The following KIF17 variants were observed in gnomAD, a reference collection of about 807,000 sequenced individuals.
KIF17 encodes the protein kinesin-like protein KIF17.
A neutral mutation model predicts 96.8 loss-of-function variants in KIF17; 80 were observed. The observed-to-expected ratio is 0.83, with a 90% CI of 0.69 to 1.00. The LOEUF is 1.00. KIF17 is among the 50% of genes least tolerant of loss of function. The pLI is 0.00. For missense variants in KIF17, 1,280 were observed against 1,372.9 expected, an observed-to-expected ratio of 0.93 and a Z score of 1.07; for synonymous variants, 567 against 587.5, an observed-to-expected ratio of 0.97 and a Z score of 0.51.
At position 20,682,843 on chromosome 1, in the gene KIF17, G is replaced by C; in HGVS notation, c.2273C>G (p.Ala758Gly). The C allele has an allele frequency of 6.2e-7, 1 of 1,612,126 alleles. No homozygotes were observed. Among genetic ancestry groups the C allele is most frequent in the Non-Finnish European group, 8.5e-7 (1 of 1,180,018 alleles). The change falls in exon 11 of 15, where the codon GCC becomes GGC. Residue 758 changes from alanine (A) to glycine (G), a missense_variant. Ala to Gly is a moderately conservative substitution (Grantham distance 60). Transcript: ENST00000400463. ...CTTCTCCTTCAGGTCCTTGTTCTTG[G>C]CCTGCTCTCCACCCACAACCTGCTG... The part of the protein sequence containing the change: ...LEQQVVGGEQ[A>G]KNKDLKEKHK...
chr1:20,717,794 G>A lies in KIF17; in HGVS notation c.-88C>T, dbSNP rs1231942330. ...GCCCGGGCCAAGGGGCGGGGCCAGC[G>A]CCGGCCACGGGGGGCGGGGCCTTGA... On this transcript the variant is annotated 5_prime_UTR_variant, in exon 1 of 15. Transcript: ENST00000400463. 6 of 1,347,290 alleles carry A rather than the reference G, an allele frequency of 4.5e-6. No individual in the cohort carries two copies. Among genetic ancestry groups the A allele is most frequent in the Admixed American group, 7.8e-5 (2 of 25,596 alleles). 83.5% of individuals were successfully genotyped at this position (1,347,290 alleles called of 1,614,324 possible).
chr1:20,690,081 G>T, intron 7 of KIF17, 107 bp downstream of exon 7: 1 of 1,238,410 alleles, frequency 8.1e-7, no homozygotes, highest in Non-Finnish European at 1.2e-6. Context: ...GGATAAAACA[G>T]ACCTGATCCT....
chr1:20,682,796 C>A lies in KIF17; in HGVS notation c.2320G>T (p.Ala774Ser), dbSNP rs777878864. The A allele has an allele frequency of 3.1e-6, 5 of 1,612,760 alleles. No individual in the cohort carries two copies. The highest frequency in any genetic ancestry group is 4.2e-6 in the Non-Finnish European group (5 of 1,180,022). ...ACCAGCTGCTTCCTGCGCTCGTCTG[C>A]GTAGCGCTTGCGCCGCTTGTGCTTC... ...KEKHKRRKRY[A>S]DERRKQLVAA... Residue 774 changes from alanine to serine, a missense_variant, in exon 11 of 15, where the codon GCA (alanine) becomes TCA (serine). Ala to Ser is a moderately conservative substitution (Grantham distance 99, BLOSUM62 1). Coordinates refer to ENST00000400463, the MANE Select transcript of KIF17 (RefSeq NM_001122819.3).
At chr1:20,666,099 G>A (rs2053522100) in intron 14 of KIF17, 115 bp downstream of exon 14, 2 of 823,406 alleles carry the variant, frequency 2.4e-6, no homozygotes, top group Non-Finnish European at 4.2e-6. Flanking sequence ...TAAGGAAACT[G>A]AGGCTCCGAG....
In KIF17 at chr1:20,704,548, A is replaced by T. The variant is rs778612010; in HGVS notation, c.1022T>A (p.Ile341Asn). The change falls in exon 5 of 15, where the codon ATC (isoleucine) becomes AAC (asparagine). Residue 341 changes from isoleucine (I) to asparagine (N), a missense_variant. Ile to Asn is a moderately radical substitution (Grantham distance 149, BLOSUM62 -3). Transcript: ENST00000400463. This position sits in a 1 kb window ranked among gnomAD's most constrained non-coding sequence, Gnocchi z 6.8. ...CAGCGCATCCTTGGGGTCCTCATTGATGCGCGGCTTGTTCCTGATGTTCTT... is the reference window on the plus strand; with the variant it reads ...CAGCGCATCCTTGGGGTCCTCATTGTTGCGCGGCTTGTTCCTGATGTTCTT... The part of the protein sequence containing the change: ...RAKNIRNKPR[I>N]NEDPKDALLR... The T allele has an allele frequency of 2.5e-6, 4 of 1,614,038 alleles. No individual in the cohort carries two copies. In the African/African-American group the frequency reaches 5.3e-5, roughly 22 times the overall value.
chr1:20,690,742 A>G (rs2054024821), intron 6 of KIF17, among the ~76,000 whole-genome samples: 1 of 150,890 alleles, frequency 6.6e-6, no homozygotes, highest in Admixed American at 6.6e-5. Context: ...GCTGGAGTGC[A>G]GTGGCGCCAT....
At chr1:20,708,392 C>T (rs907393699) in intron 4 of KIF17, among the ~76,000 whole-genome samples, 23 of 152,358 alleles carry the variant, frequency 1.5e-4, no homozygotes, top group Middle Eastern at 6.8e-3. Context: ...CTCCCGGGCT[C>T]AACCAATCCT....
chr1:20,688,338 C>T (rs1439812709), intron 7 of KIF17, among the ~76,000 whole-genome samples: 3 of 152,108 alleles, frequency 2.0e-5, no homozygotes, highest in Non-Finnish European at 2.9e-5. Flanking sequence ...CATGAGCCAC[C>T]GCGCCTGGCC....
In KIF17 at chr1:20,672,290, C is replaced by T. The variant is rs2053661900; in HGVS notation, c.2464-94G>A. 1 of 1,511,688 alleles carries T rather than the reference C, an allele frequency of 6.6e-7. No individual in the cohort carries two copies. The highest frequency in any genetic ancestry group is 9.0e-7 in the Non-Finnish European group (1 of 1,112,884). 93.6% of individuals were successfully genotyped at this position (1,511,688 alleles called of 1,614,324 possible). ...ACTCACTGTCCTGCCAGCAGCCACG[C>T]ATCGTCTGTTCATTGGCCTGATCAG... is the stretch of plus-strand genomic sequence containing the variant. On this transcript the variant is annotated intron_variant, in intron 11 of 14. Transcript: ENST00000400463. The surrounding 1 kb of genome is among the most constrained non-coding windows in gnomAD (Gnocchi z 4.3).
At chr1:20,669,988 A>G (rs2053611568) in intron 13 of KIF17, among the ~76,000 whole-genome samples, 2 of 88,202 alleles carry the variant, frequency 2.3e-5, no homozygotes, top group Non-Finnish European at 5.3e-5. Flanking sequence ...CTGAGCTTAG[A>G]AAAAGAAAAA....
At chr1:20,666,563 C>T (rs577307339) in intron 13 of KIF17, among the ~76,000 whole-genome samples, 1 of 152,328 alleles carries the variant, frequency 6.6e-6, no homozygotes, top group East Asian at 1.9e-4. Flanking sequence ...GCCAAGCCTG[C>T]ACCCGGCCTC....
intron 5 of KIF17, 133 bp from the exon 6 acceptor site, chr1:20,698,621 TCTC>T: frequency 1.6e-6 from 1 of 637,892 alleles, no homozygotes; most frequent in Non-Finnish European, 2.8e-6. Flanking sequence ...TTCAAACACA[TCTC>T]CATGTAAAAG....
chr1:20,680,453 T>G (rs1248890660), intron 11 of KIF17, among the ~76,000 whole-genome samples: 1 of 152,204 alleles, frequency 6.6e-6, no homozygotes, highest in East Asian at 1.9e-4. Flanking sequence ...GGCTCACACC[T>G]GTAATCCCAG....
intron 10 of KIF17, among the ~76,000 whole-genome samples, chr1:20,684,606 C>T (rs2053899743): frequency 6.6e-6 from 1 of 152,184 alleles, no homozygotes; most frequent in Admixed American, 6.5e-5. Flanking sequence ...GCAGGCCTGA[C>T]AAGGGATGCT....
rs1458639644 is a variant in KIF17, at chr1:20,664,377, G to A, written c.*207C>T. The A allele has an allele frequency of 1.4e-6, 2 of 1,463,164 alleles. No individual in the cohort carries two copies. The highest frequency in any genetic ancestry group is 1.8e-6 in the Non-Finnish European group (2 of 1,112,836). 90.6% of individuals were successfully genotyped at this position (1,463,164 alleles called of 1,614,324 possible). On this transcript the variant is annotated 3_prime_UTR_variant, in exon 15 of 15. Coordinates refer to ENST00000400463, the MANE Select transcript of KIF17 (RefSeq NM_001122819.3). ...AGCTGGAGCAGGCCTCTCTAAGGAG[G>A]ACTATACAGCCTCCGAGGGGCTCCT...
chr1:20,667,175 C>T (rs2053544508), intron 13 of KIF17, among the ~76,000 whole-genome samples: 1 of 152,166 alleles, frequency 6.6e-6, no homozygotes. Context: ...GAAGCTTCAT[C>T]TGTATTTGCA....
At chr1:20,714,563 G>C (rs748372703) in intron 2 of KIF17, among the ~76,000 whole-genome samples, 5 of 151,942 alleles carry the variant, frequency 3.3e-5, no homozygotes, top group African/African-American at 1.2e-4. Context: ...TTGGGAGGCC[G>C]AGGCCAATGA....
rs376781948 is a variant in KIF17, at chr1:20,715,516, C to T, written c.355G>A (p.Glu119Lys). The T allele has an allele frequency of 5.0e-6, 8 of 1,613,256 alleles. No homozygotes were observed. Among genetic ancestry groups the T allele is most frequent in the African/African-American group, 2.7e-5 (2 of 74,926 alleles). Residue 119 changes from glutamate (E) to lysine (K), a missense_variant, in exon 2 of 15, where the codon GAG (glutamate) becomes AAG (lysine). Transcript: ENST00000400463. ...SQRGIIPRAF[E>K]HVFESVQCAE... ...ACCTGGACGCTCTCGAACACGTGCT[C>T]GAAGGCCCTGGGGATGATGCCTCTC...
chr1:20,701,339 G>A (rs2054231575), intron 5 of KIF17, among the ~76,000 whole-genome samples: 1 of 152,180 alleles, frequency 6.6e-6, no homozygotes, highest in Non-Finnish European at 1.5e-5. Flanking sequence ...GCTGAGGCAG[G>A]AGAATCGCTT....
Sources: gnomAD v4.1 joint callset for allele counts (sites outside exome capture counted in the v4.1 genomes callset) on GRCh38, gnomAD v4.1.1 for gene constraint, Gnocchi (gnomAD v3.1) non-coding constraint, MANE v1.5 for transcripts, NCBI Gene and HGNC (gene_info 2026-07-23, HGNC 2026-07-21) for gene names.